Variants in NRXN1 observed in about 807,000 individuals in gnomAD.
The protein encoded by NRXN1 is neurexin-1.
In NRXN1, 39 loss-of-function variants were observed where a neutral mutation model predicts 150.9. The ratio of observed to expected loss-of-function variants is 0.26; its 90% CI spans 0.20 to 0.34. NRXN1 has a LOEUF of 0.34. Among genes scored for constraint, NRXN1 ranks in the 10% least tolerant of loss-of-function variants. The pLI is 1.00. For synonymous variants in NRXN1, 924 were observed against 757.0 expected (o/e 1.22, Z -3.62); for missense variants, 1,815 against 1,949.9 (o/e 0.93, Z 1.30).
chr2:50,287,361 A>G (rs1467173533), intron 17 of NRXN1, among the ~76,000 whole-genome samples: 1 of 152,140 alleles, frequency 6.6e-6, no homozygotes, highest in Non-Finnish European at 1.5e-5. Context: ...CATGAAAAAT[A>G]TTACAGGGGA....
At chr2:50,724,227 A>G (rs1229977241) in intron 5 of NRXN1, among the ~76,000 whole-genome samples, 1 of 152,182 alleles carries the variant, frequency 6.6e-6, no homozygotes, top group Non-Finnish European at 1.5e-5. Flanking sequence ...AATGAGTGTT[A>G]ATAGCAGGGC....
Position 50,868,331 on chromosome 2 carries a change from G to C in NRXN1, c.832+53538C>G, listed in dbSNP as rs143016904. Among the ~76,000 whole-genome samples, 23 of 135,984 alleles carry C rather than the reference G, an allele frequency of 1.7e-4. No homozygotes were observed. In the East Asian group the frequency reaches 5.1e-3, roughly 30 times the overall value. 89.2% of individuals were successfully genotyped at this position (135,984 alleles called of 152,430 possible). On this transcript the variant is annotated intron_variant, in intron 5 of 22. Coordinates refer to ENST00000401669, the MANE Select transcript of NRXN1 (RefSeq NM_001330078.2). ...ATACTTCATGTTCTCACCTATAAGC[G>C]AAAGGTAAATAATGTGTATACATGG...
intron 5 of NRXN1, among the ~76,000 whole-genome samples, chr2:50,826,444 T>A (rs1670455883): frequency 6.6e-6 from 1 of 152,102 alleles, no homozygotes; most frequent in Non-Finnish European, 1.5e-5. Flanking sequence ...GAGTTGAAAT[T>A]TAGACATTAG....
Position 50,014,216 on chromosome 2 carries a change from T to A in NRXN1, c.4128+39055A>T, listed in dbSNP as rs535677053. 1.5e-4 allele frequency among the ~76,000 whole-genome samples: 23 copies of A among 152,186 alleles called. 1 individual carries two copies. In the South Asian group the frequency reaches 3.5e-3, roughly 23 times the overall value. ...ATTCCGATTTAATAAGTAAGTATAG[T>A]TTCTTTATCAAGAGTAACCATTCGA... On this transcript the variant is annotated intron_variant, in intron 21 of 22. Coordinates refer to ENST00000401669, the MANE Select transcript of NRXN1 (RefSeq NM_001330078.2).
At chr2:50,265,902 T>C (rs1382294654) in intron 17 of NRXN1, among the ~76,000 whole-genome samples, 1 of 151,854 alleles carries the variant, frequency 6.6e-6, no homozygotes, top group East Asian at 1.9e-4. Flanking sequence ...AAGTTAAAGC[T>C]AGAAAAACGG....
intron 21 of NRXN1, among the ~76,000 whole-genome samples, chr2:50,021,842 T>C (rs4971633): frequency 0.69 from 104,336 of 152,094 alleles, 36,004 homozygotes; most frequent in Middle Eastern, 0.75. Flanking sequence ...ACATATATGT[T>C]AATGGTAATA....
intron 5 of NRXN1, among the ~76,000 whole-genome samples, chr2:50,799,882 C>A (rs1184638964): frequency 1.3e-5 from 2 of 151,852 alleles, no homozygotes; most frequent in Non-Finnish European, 2.9e-5. Flanking sequence ...TTTAAGACAT[C>A]CTCAATTACA....
intron 18 of NRXN1, among the ~76,000 whole-genome samples, chr2:50,140,333 A>G (rs1707084831): frequency 1.3e-5 from 2 of 152,084 alleles, no homozygotes; most frequent in East Asian, 1.9e-4. Flanking sequence ...AAGAATTTTC[A>G]TTTTTCAGAA....
At chr2:50,843,359 C>T (rs1006482679) in intron 5 of NRXN1, among the ~76,000 whole-genome samples, 2 of 152,278 alleles carry the variant, frequency 1.3e-5, no homozygotes, top group Admixed American at 1.3e-4. Context: ...TAAATTCTTG[C>T]TCCTGTTGTT....
intron 5 of NRXN1, chr2:50,829,542 A>G (rs1559323376): frequency 1.9e-6 from 3 of 1,611,070 alleles, no homozygotes; most frequent in Non-Finnish European, 2.5e-6. Flanking sequence ...CTTATAAGGG[A>G]TCTTAGGAGG....
At chr2:50,872,736 T>G (rs1252562649) in intron 5 of NRXN1, among the ~76,000 whole-genome samples, 2 of 151,312 alleles carry the variant, frequency 1.3e-5, no homozygotes, top group Non-Finnish European at 3.0e-5. Flanking sequence ...GAGGACCACT[T>G]GTGGCCAGAA....
intron 5 of NRXN1, chr2:50,739,130 T>C (rs1699120939): frequency 1.6e-5 from 4 of 253,988 alleles, no homozygotes; most frequent in Admixed American, 9.1e-5. Flanking sequence ...ATAATTTTTA[T>C]ATCATTGTAT....
chr2:50,705,896 C>G lies in NRXN1; in HGVS notation c.833-82281G>C, dbSNP rs191469030. ...AATAGTGGTAATAAACAAAAACAAT[C>G]AGAGGCTCTCCTACAAATTCTAATT... On this transcript the variant is annotated intron_variant, in intron 5 of 22. Transcript: ENST00000401669. Among the ~76,000 whole-genome samples the G allele has an allele frequency of 5.6e-3, 856 of 152,246 alleles. 3 individuals carry two copies. The highest frequency in any genetic ancestry group is 9.9e-3 in the Non-Finnish European group (674 of 68,024).
chr2:50,582,791 C>G (rs977630098), intron 8 of NRXN1, among the ~76,000 whole-genome samples: 3 of 152,102 alleles, frequency 2.0e-5, no homozygotes, highest in Non-Finnish European at 4.4e-5. Flanking sequence ...TTCCAGTTCC[C>G]CCGCTGAACC....
At chr2:50,250,680 T>C (rs943776122) in intron 17 of NRXN1, among the ~76,000 whole-genome samples, 1 of 152,008 alleles carries the variant, frequency 6.6e-6, no homozygotes, top group African/African-American at 2.4e-5. Context: ...AAAAATGTAA[T>C]ATTAATGTCA....
At chr2:50,519,363 C>A (rs1293759613) in intron 12 of NRXN1, among the ~76,000 whole-genome samples, 2 of 151,804 alleles carry the variant, frequency 1.3e-5, no homozygotes, top group Non-Finnish European at 2.9e-5. Flanking sequence ...TCTCTTTGAC[C>A]ATTTATTTTA....
chr2:50,830,074 A>G (rs868607570), intron 5 of NRXN1, among the ~76,000 whole-genome samples: 1 of 148,776 alleles, frequency 6.7e-6, no homozygotes, highest in Admixed American at 6.9e-5. Context: ...AATAGAACAC[A>G]CCATCCGTTT....
intron 8 of NRXN1, among the ~76,000 whole-genome samples, chr2:50,573,455 G>A (rs2105472788): frequency 6.6e-6 from 1 of 152,108 alleles, no homozygotes; most frequent in African/African-American, 2.4e-5. Flanking sequence ...TCATTTCTAA[G>A]TCTATGTGGG....
intron 2 of NRXN1, among the ~76,000 whole-genome samples, chr2:50,961,522 C>T (rs908974636): frequency 2.0e-5 from 3 of 151,574 alleles, no homozygotes; most frequent in Non-Finnish European, 4.4e-5. Context: ...AAAAACCCAA[C>T]CAGATGCTAG....
Sources: gnomAD v4.1 joint callset for allele counts (sites outside exome capture counted in the v4.1 genomes callset) on GRCh38, gnomAD v4.1.1 for gene constraint, MANE v1.5 for transcripts, NCBI Gene and HGNC (gene_info 2026-07-23, HGNC 2026-07-21) for gene names.